The following SLC24A3 variants were observed in gnomAD, a reference collection of about 807,000 sequenced individuals.
SLC24A3 encodes sodium/potassium/calcium exchanger 3.
SLC24A3 carries 28 observed loss-of-function variants against 75.8 expected under a neutral mutation model. The ratio of observed to expected loss-of-function variants is 0.37; its 90% CI spans 0.27 to 0.51. SLC24A3 has a LOEUF of 0.51. Among genes scored for constraint, SLC24A3 ranks in the 20% least tolerant of loss-of-function variants. The pLI is 0.94. For synonymous variants in SLC24A3, 372 were observed against 334.1 expected, an observed-to-expected ratio of 1.11 and a Z score of -1.24; for missense variants, 663 against 847.8, an observed-to-expected ratio of 0.78 and a Z score of 2.71.
intron 2 of SLC24A3, among the ~76,000 whole-genome samples, chr20:19,291,735 G>A (rs1983946214): frequency 6.6e-6 from 1 of 152,220 alleles, no homozygotes; most frequent in Non-Finnish European, 1.5e-5. Flanking sequence ...TGTGCCAGGA[G>A]CTCAGCCTGG....
intron 1 of SLC24A3, among the ~76,000 whole-genome samples, chr20:19,231,321 G>T (rs1028475134): frequency 6.6e-6 from 1 of 152,184 alleles, no homozygotes; most frequent in Non-Finnish European, 1.5e-5. Flanking sequence ...CTGTGGGTTT[G>T]TTATGTTACG....
In SLC24A3 at chr20:19,372,018, A is replaced by G. The variant is rs184164185; in HGVS notation, c.271+90931A>G. Among the ~76,000 whole-genome samples, 4 of 152,190 alleles carry G rather than the reference A, an allele frequency of 2.6e-5. No homozygotes were observed. The South Asian group carries it at 8.3e-4, about 32-fold the overall frequency. ...CCCAGACCAGACCCAGGGCTTCTAT[A>G]TCATAGAGAAAAAGTATACATGCCT... is the stretch of plus-strand genomic sequence containing the variant. On this transcript the variant is annotated intron_variant, in intron 2 of 16. Coordinates refer to ENST00000328041, the MANE Select transcript of SLC24A3 (RefSeq NM_020689.4).
At chr20:19,375,595 G>A (rs1399291022) in intron 2 of SLC24A3, among the ~76,000 whole-genome samples, 3 of 152,218 alleles carry the variant, frequency 2.0e-5, no homozygotes, top group Non-Finnish European at 2.9e-5. Context: ...TGTTATGTGA[G>A]AGGAGGAAGT....
chr20:19,430,267 C>A (rs1310057090), intron 2 of SLC24A3, among the ~76,000 whole-genome samples: 2 of 152,164 alleles, frequency 1.3e-5, no homozygotes, highest in East Asian at 3.9e-4. Flanking sequence ...GTTTTCTGGG[C>A]TCACTGAAGA....
chr20:19,450,937 T>A (rs947061437), intron 2 of SLC24A3, among the ~76,000 whole-genome samples: 3 of 152,074 alleles, frequency 2.0e-5, no homozygotes, highest in Non-Finnish European at 4.4e-5. Flanking sequence ...AAGTGGAAGT[T>A]TGCAGTGAGC....
chr20:19,583,356 G>A (rs559938230), intron 4 of SLC24A3, among the ~76,000 whole-genome samples: 17 of 152,116 alleles, frequency 1.1e-4, no homozygotes, highest in Non-Finnish European at 1.6e-4. Context: ...TGTGTGAGCC[G>A]CAAAACCAAG....
chr20:19,497,491 G>A (rs1988309880), intron 2 of SLC24A3, among the ~76,000 whole-genome samples: 1 of 152,208 alleles, frequency 6.6e-6, no homozygotes, highest in African/African-American at 2.4e-5. Flanking sequence ...CTAATGTACT[G>A]TGAAATGTAA....
intron 2 of SLC24A3, among the ~76,000 whole-genome samples, chr20:19,426,238 T>C (rs1987003941): frequency 6.6e-6 from 1 of 152,224 alleles, no homozygotes; most frequent in Non-Finnish European, 1.5e-5. Flanking sequence ...TGCTCTGTAT[T>C]ACAATATACA....
At chr20:19,405,893 G>A (rs1466422274) in intron 2 of SLC24A3, among the ~76,000 whole-genome samples, 10 of 152,274 alleles carry the variant, frequency 6.6e-5, no homozygotes, top group Admixed American at 4.6e-4. Flanking sequence ...TTTAACACAC[G>A]GATTTGGAAA....
chr20:19,465,760 T>C (rs914947447), intron 2 of SLC24A3, among the ~76,000 whole-genome samples: 4 of 152,206 alleles, frequency 2.6e-5, no homozygotes, highest in African/African-American at 9.7e-5. Flanking sequence ...GCAGTTCCTC[T>C]CTGTGATGTA....
intron 3 of SLC24A3, among the ~76,000 whole-genome samples, chr20:19,573,631 C>T (rs2328414): frequency 0.57 from 87,416 of 152,094 alleles, 26,828 homozygotes; most frequent in Non-Finnish European, 0.67. Context: ...CCTCAGGGCC[C>T]TGCTGCCCTC....
chr20:19,417,951 C>A (rs544323466), intron 2 of SLC24A3, among the ~76,000 whole-genome samples: 1 of 152,148 alleles, frequency 6.6e-6, no homozygotes, highest in South Asian at 2.1e-4. Context: ...TTGGGAGAAA[C>A]CAATCTGCTC....
In SLC24A3 at chr20:19,212,861, G is replaced by C. The variant is rs1286917670; in HGVS notation, c.19G>C (p.Glu7Gln). 15 of 1,203,294 alleles carry C rather than the reference G, an allele frequency of 1.2e-5. No individual in the cohort carries two copies. The highest frequency in any genetic ancestry group is 4.0e-5 in the Admixed American group (1 of 25,260). 74.5% of individuals were successfully genotyped at this position (1,203,294 alleles called of 1,614,324 possible). A position where few individuals can be genotyped will look rare whatever the true frequency, so the allele number is the denominator to read the frequency against. Residue 7 changes from glutamate (E) to glutamine (Q), a missense_variant, in exon 1 of 17, where the codon GAG becomes CAG. Glu to Gln is a conservative substitution (Grantham distance 29). Transcript: ENST00000328041. ...CCCGAGGATGCGGCCGTCCGGCGAC[G>C]AGGACCGCGCGCGTCGCCGCCGCCG... Reference protein sequence around the residue: MRPSGDEDRARRRRRRR... With the variant: MRPSGDQDRARRRRRRR...
chr20:19,678,621 CGGCTGGCCCCGGGCGGGG>C (rs1467075878), intron 9 of SLC24A3, among the ~76,000 whole-genome samples: 3 of 128,204 alleles, frequency 2.3e-5, no homozygotes, highest in East Asian at 5.2e-4. Flanking sequence ...CCGGACGGGG[CGGCTGGCCCCGGGCGGGG>C]GGCTGACCCT....
intron 1 of SLC24A3, among the ~76,000 whole-genome samples, chr20:19,254,750 G>A (rs1270930896): frequency 6.6e-6 from 1 of 152,146 alleles, no homozygotes; most frequent in Non-Finnish European, 1.5e-5. Flanking sequence ...TGCTTCCACC[G>A]AGGAAGATGA....
At chr20:19,220,463 A>G (rs1981674948) in intron 1 of SLC24A3, among the ~76,000 whole-genome samples, 1 of 152,224 alleles carries the variant, frequency 6.6e-6, no homozygotes, top group South Asian at 2.1e-4. Flanking sequence ...AGGTTTCTTG[A>G]TTAGGACCTT....
intron 2 of SLC24A3, among the ~76,000 whole-genome samples, chr20:19,478,465 A>G (rs1987998535): frequency 6.6e-6 from 1 of 151,884 alleles, no homozygotes; most frequent in South Asian, 2.1e-4. Context: ...TTTTGAGGGG[A>G]GCTTTTCTGA....
intron 3 of SLC24A3, among the ~76,000 whole-genome samples, chr20:19,539,000 A>G (rs964414346): frequency 1.3e-5 from 2 of 152,234 alleles, no homozygotes; most frequent in Non-Finnish European, 2.9e-5. Context: ...ACCAGACACA[A>G]AAAAAGTATG....
intron 2 of SLC24A3, among the ~76,000 whole-genome samples, chr20:19,314,746 C>T (rs900334203): frequency 1.3e-5 from 2 of 152,238 alleles, no homozygotes. Flanking sequence ...GCACGCTTCC[C>T]ATCCGTACTC....
Sources: allele counts gnomAD v4.1 joint callset (sites outside exome capture counted in the v4.1 genomes callset), GRCh38; gene constraint gnomAD v4.1.1; transcripts MANE v1.5; gene names NCBI Gene and HGNC (gene_info 2026-07-23, HGNC 2026-07-21).